The following BTBD10 variants were observed in gnomAD, a reference collection of about 807,000 sequenced individuals.
BTBD10 encodes the protein BTB/POZ domain-containing protein 10.
Under a neutral mutation model 53.2 loss-of-function variants are expected in BTBD10, and 21 were observed. The ratio of observed to expected loss-of-function variants is 0.39; its 90% CI spans 0.28 to 0.57. BTBD10 has a LOEUF of 0.57. BTBD10 is among the 20% of genes least tolerant of loss of function. The pLI is 0.53. For synonymous variants in BTBD10, 149 were observed against 192.7 expected (o/e 0.77, Z 1.88); for missense variants, 360 against 594.7 (o/e 0.61, Z 4.10).
At position 13,460,672 on chromosome 11, in the gene BTBD10, T is replaced by C. The variant is rs760648172; in HGVS notation, c.-58+2420A>G. On this transcript the variant is annotated intron_variant, in intron 1 of 8. Coordinates refer to ENST00000278174, the MANE Select transcript of BTBD10 (RefSeq NM_032320.7). Reference sequence around the variant, plus strand: ...CAAGAGTGTTTGCTTCACATCACACTTTCTCCACCCAGTTCTTTCCATCCT... The same window carrying C: ...CAAGAGTGTTTGCTTCACATCACACCTTCTCCACCCAGTTCTTTCCATCCT... 3.0e-4 allele frequency among the ~76,000 whole-genome samples: 45 copies of C among 152,160 alleles called. 1 individual carries two copies. Among genetic ancestry groups the C allele is most frequent in the Admixed American group, 3.9e-4 (6 of 15,264 alleles).
At chr11:13,462,772 G>A (rs577939022) in intron 1 of BTBD10, 2 of 152,378 alleles carry the variant, frequency 1.3e-5, no homozygotes, top group Non-Finnish European at 2.9e-5. Flanking sequence ...TGACAGGAAA[G>A]GGGCGGGGCA....
At chr11:13,392,145 T>C (rs530064486) in intron 8 of BTBD10, among the ~76,000 whole-genome samples, 8 of 152,316 alleles carry the variant, frequency 5.3e-5, no homozygotes, top group African/African-American at 1.9e-4. Flanking sequence ...AGTCAAAGAA[T>C]ATTCCAAAGA....
chr11:13,409,272 C>T (rs192630368), intron 6 of BTBD10, among the ~76,000 whole-genome samples: 1 of 152,282 alleles, frequency 6.6e-6, no homozygotes, highest in African/African-American at 2.4e-5. Context: ...GTTTCTCTGG[C>T]TCCTCTAAGT....
intron 8 of BTBD10, among the ~76,000 whole-genome samples, chr11:13,397,494 T>A (rs912536028): frequency 6.6e-6 from 1 of 152,200 alleles, no homozygotes; most frequent in Non-Finnish European, 1.5e-5. Context: ...AAAAACCAGC[T>A]CCTGGATTCA....
chr11:13,450,905 G>A (rs1259001038), intron 1 of BTBD10, among the ~76,000 whole-genome samples: 4 of 152,134 alleles, frequency 2.6e-5, no homozygotes, highest in African/African-American at 9.7e-5. Context: ...TGAAAGAAGA[G>A]CTTACTCTTG....
chr11:13,452,941 A>T, intron 1 of BTBD10, among the ~76,000 whole-genome samples: 1 of 152,192 alleles, frequency 6.6e-6, no homozygotes, highest in East Asian at 1.9e-4. Context: ...TCATGACTAA[A>T]AGTTTTAAGA....
intron 1 of BTBD10, among the ~76,000 whole-genome samples, chr11:13,452,145 G>A (rs1050679339): frequency 2.0e-5 from 3 of 152,144 alleles, no homozygotes; most frequent in African/African-American, 7.2e-5. Flanking sequence ...AGGTAGGTAA[G>A]TTATTGAATA....
At chr11:13,395,329 C>T (rs1949516812) in intron 8 of BTBD10, among the ~76,000 whole-genome samples, 1 of 152,144 alleles carries the variant, frequency 6.6e-6, no homozygotes, top group African/African-American at 2.4e-5. Flanking sequence ...TTTTTGGCTG[C>T]ATAAATGTCT....
At chr11:13,400,550 T>A (rs951021693) in intron 8 of BTBD10, among the ~76,000 whole-genome samples, 1 of 150,164 alleles carries the variant, frequency 6.7e-6, no homozygotes, top group African/African-American at 2.5e-5. Context: ...CTGCACCCAC[T>A]GTCCTGCACC....
chr11:13,391,967 A>AAGACAGAC (rs757480505), intron 8 of BTBD10, among the ~76,000 whole-genome samples: 2 of 152,146 alleles, frequency 1.3e-5, no homozygotes, highest in Non-Finnish European at 2.9e-5. Context: ...AGATAGACAG[A>AAGACAGAC]AGACAGACAG....
At chr11:13,462,891 C>A (rs945518129) in intron 1 of BTBD10, 1 of 152,390 alleles carries the variant, frequency 6.6e-6, no homozygotes, top group African/African-American at 2.4e-5. Flanking sequence ...AGTCTTATCC[C>A]GGCCTCTCCT....
rs1297577501 is a variant in BTBD10 at position 13,419,594 on chromosome 11, C to T, written c.450G>A (p.Val150=). ...DGSCKTAGEM[V]FVYENAKEGA... ...CTTCTTTTGCATTTTCATATACAAA[C>T]ACCATCTCCCCAGCTGTCTTACAGC... The change falls in exon 4 of 9, where the codon GTG becomes GTA. Residue 150 remains valine (V), a synonymous_variant. Coordinates refer to ENST00000278174, the MANE Select transcript of BTBD10 (RefSeq NM_032320.7). 1 of 1,613,986 alleles carries T rather than the reference C, an allele frequency of 6.2e-7. No homozygotes were observed. The highest frequency in any genetic ancestry group is 1.3e-5 in the African/African-American group (1 of 74,908).
chr11:13,461,039 C>T (rs1420650012), intron 1 of BTBD10, among the ~76,000 whole-genome samples: 3 of 152,160 alleles, frequency 2.0e-5, no homozygotes, highest in Non-Finnish European at 4.4e-5. Context: ...AATTGCCCTA[C>T]TATAACTATA....
In BTBD10 at chr11:13,443,006, T is replaced by C. The variant is rs116395908; in HGVS notation, c.101+2018A>G. Reference sequence around the variant, plus strand: ...TCATAGTCTTTGCATTAAAAAAAAATCAATTCACTGGTATTTATTTTCTAT... The same window carrying C: ...TCATAGTCTTTGCATTAAAAAAAAACCAATTCACTGGTATTTATTTTCTAT... On this transcript the variant is annotated intron_variant, in intron 2 of 8. Coordinates refer to ENST00000278174, the MANE Select transcript of BTBD10 (RefSeq NM_032320.7). Among the ~76,000 whole-genome samples, 331 of 152,156 alleles carry C rather than the reference T, an allele frequency of 2.2e-3. 1 individual carries two copies. Among genetic ancestry groups the C allele is most frequent in the African/African-American group, 7.6e-3 (315 of 41,526 alleles).
At chr11:13,460,648 A>G (rs1449157967) in intron 1 of BTBD10, among the ~76,000 whole-genome samples, 1 of 152,214 alleles carries the variant, frequency 6.6e-6, no homozygotes, top group African/African-American at 2.4e-5. Flanking sequence ...GAAGGGGCAC[A>G]AGAGTGTTTG....
intron 5 of BTBD10, among the ~76,000 whole-genome samples, chr11:13,416,696 C>T (rs1950122052): frequency 6.6e-6 from 1 of 151,976 alleles, no homozygotes; most frequent in South Asian, 2.1e-4. Flanking sequence ...AAGATGAGAG[C>T]ATGGCATGGT....
chr11:13,417,300 C>T (rs991482256), intron 4 of BTBD10, 40 bp from the exon 5 acceptor site: 1 of 1,396,034 alleles, frequency 7.2e-7, no homozygotes, highest in East Asian at 2.4e-5. Context: ...CAATAGAATA[C>T]TTCCTTCAAA....
chr11:13,437,516 C>T (rs531101110), intron 2 of BTBD10, among the ~76,000 whole-genome samples: 1 of 152,286 alleles, frequency 6.6e-6, no homozygotes, highest in Admixed American at 6.5e-5. Flanking sequence ...TGGATGGGAT[C>T]ATTTAAAGTC....
intron 6 of BTBD10, among the ~76,000 whole-genome samples, chr11:13,406,369 G>A (rs1289295210): frequency 6.6e-6 from 1 of 152,140 alleles, no homozygotes; most frequent in Admixed American, 6.5e-5. Flanking sequence ...CTTAAGCACA[G>A]ACATAATGAA....
Sources: allele counts gnomAD v4.1 joint callset (sites outside exome capture counted in the v4.1 genomes callset), GRCh38; gene constraint gnomAD v4.1.1; transcripts MANE v1.5; gene names NCBI Gene and HGNC (gene_info 2026-07-23, HGNC 2026-07-21).